CDK5RAP2: variants seen among roughly 807,000 people sequenced by gnomAD.
The protein encoded by CDK5RAP2 is CDK5 regulatory subunit associated protein 2, also known as CDK5 regulatory subunit-associated protein 2.
CDK5RAP2 carries 147 observed loss-of-function variants against 232.9 expected under a neutral mutation model. The ratio of observed to expected loss-of-function variants is 0.63; its 90% CI spans 0.55 to 0.72. The LOEUF is 0.72. CDK5RAP2 is among the 30% of genes least tolerant of loss of function. The probability of loss-of-function intolerance (pLI) is 0.00; values close to 1 mark genes in which losing one functional copy is unlikely to be tolerated. For synonymous variants in CDK5RAP2, 833 were observed against 833.7 expected (o/e 1.00, Z 0.01); for missense variants, 2,195 against 2,231.5 (o/e 0.98, Z 0.33).
intron 25 of CDK5RAP2, among the ~76,000 whole-genome samples, chr9:120,430,251 A>G (rs1049794482): frequency 1.3e-5 from 2 of 152,228 alleles, no homozygotes; most frequent in Non-Finnish European, 2.9e-5. Context: ...AAAAGCCAAA[A>G]TTGACAAATG....
At chr9:120,559,913 C>T (rs1233413421) in intron 3 of CDK5RAP2, among the ~76,000 whole-genome samples, 1 of 152,170 alleles carries the variant, frequency 6.6e-6, no homozygotes, top group Non-Finnish European at 1.5e-5. Flanking sequence ...AAAGCCTTGC[C>T]TAGCCTGAAG....
At chr9:120,557,503 C>A (rs1270169035) in intron 3 of CDK5RAP2, among the ~76,000 whole-genome samples, 1 of 152,158 alleles carries the variant, frequency 6.6e-6, no homozygotes, top group African/African-American at 2.4e-5. Context: ...CACCTGTAAT[C>A]CCAACACTTT....
chr9:120,415,055 A>G lies in CDK5RAP2; in HGVS notation c.4282T>C (p.Ser1428Pro). The G allele has an allele frequency of 6.2e-7, 1 of 1,614,158 alleles. No homozygotes were observed. Among genetic ancestry groups the G allele is most frequent in the African/African-American group, 1.3e-5 (1 of 75,038 alleles). ...KLRKQLERQG[S>P]EFVQGSTSIF... ...CTTTCCTTACCTTGAACAAATTCAG[A>G]TCCTTGCCGTTCCAACTGTTTCCGT... The change falls in exon 28 of 38, where the codon TCT becomes CCT. Residue 1428 changes from serine (S) to proline (P), a missense_variant. By Grantham distance (74) the Ser-to-Pro change is moderately conservative. Transcript: ENST00000349780.
intron 5 of CDK5RAP2, among the ~76,000 whole-genome samples, chr9:120,543,376 T>C (rs1304534273): frequency 6.6e-6 from 1 of 152,234 alleles, no homozygotes; most frequent in Non-Finnish European, 1.5e-5. Context: ...TTCCATGTGA[T>C]TTTAAGATAA....
chr9:120,487,502 C>CA, intron 13 of CDK5RAP2, 65 bp from the exon 14 acceptor site: 1 of 1,253,016 alleles, frequency 8.0e-7, no homozygotes, highest in Non-Finnish European at 1.1e-6. Flanking sequence ...GAAACTGTCC[C>CA]AAACTCCTTA....
chr9:120,467,999 T>C lies in CDK5RAP2; in HGVS notation c.1969-2A>G. ...CACTAGCTGTATAAGGTCACTGACC[T>C]AGGAGGTAAGAACAGGGAAAAGGCT... On this transcript the variant is annotated splice_acceptor_variant, in intron 17 of 37. Coordinates refer to ENST00000349780, the MANE Select transcript of CDK5RAP2 (RefSeq NM_018249.6). LOFTEE classifies it high-confidence loss of function. 6.2e-7 allele frequency: 1 copy of C among 1,613,928 alleles called. No homozygotes were observed. Among genetic ancestry groups the C allele is most frequent in the Non-Finnish European group, 8.5e-7 (1 of 1,179,896 alleles).
chr9:120,485,541 C>T lies in CDK5RAP2; in HGVS notation c.1626+1753G>A, dbSNP rs112058562. 2.9e-3 allele frequency among the ~76,000 whole-genome samples: 446 copies of T among 152,254 alleles called. 5 individuals carry two copies. The highest frequency in any genetic ancestry group is 9.7e-3 in the African/African-American group (402 of 41,566). On this transcript the variant is annotated intron_variant, in intron 14 of 37. Coordinates refer to ENST00000349780, the MANE Select transcript of CDK5RAP2 (RefSeq NM_018249.6). ...ATCTCTTGACCTTGTGATCCACCTGCCTCGGCCTCCCAAAGTGCTGGGATT... is the reference window on the plus strand; with the variant it reads ...ATCTCTTGACCTTGTGATCCACCTGTCTCGGCCTCCCAAAGTGCTGGGATT...
intron 12 of CDK5RAP2, among the ~76,000 whole-genome samples, chr9:120,512,410 C>T (rs1349548603): frequency 2.0e-5 from 3 of 152,134 alleles, no homozygotes; most frequent in Non-Finnish European, 4.4e-5. Context: ...TTTTATTTTT[C>T]CTGAACCCTA....
In CDK5RAP2 at chr9:120,403,986, T is replaced by C. The variant is rs1303220869; in HGVS notation, c.5041+50A>G. On this transcript the variant is annotated intron_variant, in intron 33 of 37. Coordinates refer to ENST00000349780, the MANE Select transcript of CDK5RAP2 (RefSeq NM_018249.6). The surrounding 1 kb of genome is among the most constrained non-coding windows in gnomAD (Gnocchi z 4.2). Reference sequence around the variant, plus strand: ...CCCCTTTTCTGCAAGTTAAAAAGTCTTACTGTCACATCCAATGCTCCCACA... The same window carrying C: ...CCCCTTTTCTGCAAGTTAAAAAGTCCTACTGTCACATCCAATGCTCCCACA... 1 of 1,272,332 alleles carries C rather than the reference T, an allele frequency of 7.9e-7. No homozygotes were observed. The highest frequency in any genetic ancestry group is 1.2e-6 in the Non-Finnish European group (1 of 868,174). 78.8% of individuals were successfully genotyped at this position (1,272,332 alleles called of 1,614,324 possible).
intron 31 of CDK5RAP2, chr9:120,407,463 A>G: frequency 1.7e-6 from 1 of 586,116 alleles, no homozygotes. Context: ...CTGGAAATTA[A>G]TTTTCGCTTC....
intron 25 of CDK5RAP2, among the ~76,000 whole-genome samples, chr9:120,432,273 GA>G (rs2035327945): frequency 1.3e-5 from 2 of 152,102 alleles, no homozygotes; most frequent in African/African-American, 4.8e-5. Flanking sequence ...AAAGGGAGAG[GA>G]TGCAAACAGT....
Position 120,520,075 on chromosome 9 carries a change from C to T in CDK5RAP2, c.1093-1430G>A, listed in dbSNP as rs1325908598. Among the ~76,000 whole-genome samples, 10 of 152,326 alleles carry T rather than the reference C, an allele frequency of 6.6e-5. No individual in the cohort carries two copies. In the East Asian group the frequency reaches 1.9e-3, roughly 29 times the overall value. On this transcript the variant is annotated intron_variant, in intron 11 of 37. Coordinates refer to ENST00000349780, the MANE Select transcript of CDK5RAP2 (RefSeq NM_018249.6). ...TACATATGATTATCAAATATATACA[C>T]ATCTGTGAAATGGGAAGTAATGGCC...
chr9:120,561,499 T>G (rs2042463886), intron 3 of CDK5RAP2, among the ~76,000 whole-genome samples: 1 of 151,964 alleles, frequency 6.6e-6, no homozygotes, highest in Admixed American at 6.6e-5. Flanking sequence ...GGGGTCTCAC[T>G]TTGTGACCCA....
At chr9:120,444,404 C>T (rs1282123458) in intron 22 of CDK5RAP2, among the ~76,000 whole-genome samples, 1 of 152,252 alleles carries the variant, frequency 6.6e-6, no homozygotes, top group Non-Finnish European at 1.5e-5. Context: ...TGCCACCTCC[C>T]CAAGCCCACA....
At chr9:120,440,004 C>A in intron 23 of CDK5RAP2, 32 bp from the exon 24 acceptor site, 1 of 1,591,098 alleles carries the variant, frequency 6.3e-7, no homozygotes, top group Non-Finnish European at 8.6e-7. Flanking sequence ...GTCAGTATCT[C>A]TTTTACTAAA....
At chr9:120,409,691 AG>A (rs2033725302) in intron 29 of CDK5RAP2, among the ~76,000 whole-genome samples, 1 of 152,258 alleles carries the variant, frequency 6.6e-6, no homozygotes, top group Non-Finnish European at 1.5e-5. Flanking sequence ...GGAGGCCGGC[AG>A]GGCTGTGCAG....
chr9:120,539,366 T>G (rs2041532104), intron 5 of CDK5RAP2, among the ~76,000 whole-genome samples: 1 of 152,242 alleles, frequency 6.6e-6, no homozygotes, highest in Admixed American at 6.5e-5. Context: ...TCACTCAGGA[T>G]AACTAAGTCA....
At chr9:120,397,526 C>A (rs1215208075) in intron 35 of CDK5RAP2, among the ~76,000 whole-genome samples, 1 of 129,622 alleles carries the variant, frequency 7.7e-6, no homozygotes, top group East Asian at 2.2e-4. Flanking sequence ...GCCACCATCC[C>A]GGCCATAAAA....
intron 26 of CDK5RAP2, among the ~76,000 whole-genome samples, chr9:120,422,417 G>C (rs1019356991): frequency 1.3e-5 from 2 of 152,198 alleles, no homozygotes; most frequent in Admixed American, 6.5e-5. Flanking sequence ...TTATCTTGCA[G>C]GTATCTGGGA....
Sources: allele counts gnomAD v4.1 joint callset (sites outside exome capture counted in the v4.1 genomes callset), GRCh38; gene constraint gnomAD v4.1.1; non-coding constraint Gnocchi (gnomAD v3.1); transcripts MANE v1.5; gene names NCBI Gene and HGNC (gene_info 2026-07-23, HGNC 2026-07-21).